The following TTBK2 variants were observed in gnomAD, a reference collection of about 807,000 sequenced individuals.
TTBK2 encodes tau-tubulin kinase 2.
A neutral mutation model predicts 110.8 loss-of-function variants in TTBK2; 28 were observed. That is an observed-to-expected ratio of 0.25 (90% confidence interval 0.19 to 0.35). TTBK2 has a LOEUF of 0.35. TTBK2 is among the 10% of genes least tolerant of loss of function. The pLI, the probability that TTBK2 is intolerant of heterozygous loss-of-function variation, is 1.00. For missense variants in TTBK2, 1,369 were observed against 1,500.3 expected, an observed-to-expected ratio of 0.91 and a Z score of 1.45; for synonymous variants, 532 against 527.3, an observed-to-expected ratio of 1.01 and a Z score of -0.12.
At chr15:42,884,883 C>T (rs1254714667) in intron 1 of TTBK2, among the ~76,000 whole-genome samples, 1 of 152,186 alleles carries the variant, frequency 6.6e-6, no homozygotes, top group Non-Finnish European at 1.5e-5. Flanking sequence ...GATGACATTC[C>T]ACCATTGTGA....
At chr15:42,869,290 T>C (rs1048085214) in intron 3 of TTBK2, among the ~76,000 whole-genome samples, 2 of 151,784 alleles carry the variant, frequency 1.3e-5, no homozygotes, top group African/African-American at 4.8e-5. Flanking sequence ...GGTTTTACCA[T>C]GTCGCCCAGA....
At chr15:42,904,945 C>G (rs550803193) in intron 1 of TTBK2, among the ~76,000 whole-genome samples, 1 of 151,806 alleles carries the variant, frequency 6.6e-6, no homozygotes, top group South Asian at 2.1e-4. Context: ...AATCTCGGCT[C>G]ACTGCAACCT....
intron 1 of TTBK2, among the ~76,000 whole-genome samples, chr15:42,897,793 C>G (rs1895723355): frequency 6.6e-6 from 1 of 150,676 alleles, no homozygotes; most frequent in Admixed American, 6.6e-5. Context: ...TTTAATGAAT[C>G]TGAGAAAACT....
At chr15:42,763,150 A>G (rs1889128432) in intron 13 of TTBK2, among the ~76,000 whole-genome samples, 1 of 61,464 alleles carries the variant, frequency 1.6e-5, no homozygotes, top group African/African-American at 1.2e-4. Flanking sequence ...ATACATATAT[A>G]TATATACATA....
intron 10 of TTBK2, 80 bp downstream of exon 10, chr15:42,794,564 A>T (rs1890848146): frequency 6.3e-7 from 1 of 1,594,544 alleles, no homozygotes; most frequent in Non-Finnish European, 8.6e-7. Context: ...TGGTCATCTG[A>T]GGGAATCTGG....
chr15:42,867,440 T>A (rs1344008543), intron 3 of TTBK2, among the ~76,000 whole-genome samples: 1 of 152,052 alleles, frequency 6.6e-6, no homozygotes, highest in Admixed American at 6.5e-5. Context: ...AAGACCTATA[T>A]GATAAAAGAC....
intron 10 of TTBK2, among the ~76,000 whole-genome samples, chr15:42,789,022 A>G (rs1890527641): frequency 6.6e-6 from 1 of 152,216 alleles, no homozygotes; most frequent in African/African-American, 2.4e-5. Flanking sequence ...TTTGTGACAA[A>G]GAGCAGCTAA....
intron 3 of TTBK2, 152 bp from the exon 4 acceptor site, chr15:42,840,585 A>G: frequency 1.3e-6 from 1 of 763,214 alleles, no homozygotes; most frequent in Admixed American, 1.8e-5. Context: ...CAAATTTTCT[A>G]CCTACCTCTT....
At chr15:42,891,212 T>C (rs1895443363) in intron 1 of TTBK2, among the ~76,000 whole-genome samples, 1 of 147,488 alleles carries the variant, frequency 6.8e-6, no homozygotes, top group South Asian at 2.2e-4. Context: ...GGGGTCTCAC[T>C]GTCGCCCCGG....
intron 10 of TTBK2, among the ~76,000 whole-genome samples, chr15:42,793,047 A>G (rs1180634910): frequency 1.3e-5 from 2 of 152,166 alleles, no homozygotes; most frequent in African/African-American, 4.8e-5. Context: ...CTCTGCCACT[A>G]ATATTTACCT....
intron 4 of TTBK2, among the ~76,000 whole-genome samples, chr15:42,835,112 A>G (rs2141000824): frequency 6.6e-6 from 1 of 152,340 alleles, no homozygotes; most frequent in South Asian, 2.1e-4. Context: ...AGTAAACAAA[A>G]GAAGAATAAA....
At chr15:42,848,217 A>G (rs1893547689) in intron 3 of TTBK2, among the ~76,000 whole-genome samples, 3 of 152,066 alleles carry the variant, frequency 2.0e-5, no homozygotes, top group Non-Finnish European at 4.4e-5. Context: ...TTTTTTTCCA[A>G]CATTCTTCTT....
chr15:42,837,357 C>CAAA (rs962772134), intron 4 of TTBK2, among the ~76,000 whole-genome samples: 3 of 56,320 alleles, frequency 5.3e-5, no homozygotes, highest in African/African-American at 2.1e-4. Context: ...GACTCCATCT[C>CAAA]AAAAAAAAAA....
intron 1 of TTBK2, among the ~76,000 whole-genome samples, chr15:42,907,718 C>G (rs1364974069): frequency 1.3e-5 from 2 of 152,008 alleles, no homozygotes; most frequent in Non-Finnish European, 2.9e-5. Flanking sequence ...TTTATTGTTA[C>G]TAAACTGTAC....
At chr15:42,804,008 C>CAAAAA (rs781131720) in intron 9 of TTBK2, among the ~76,000 whole-genome samples, 2 of 51,060 alleles carry the variant, frequency 3.9e-5, no homozygotes, top group Non-Finnish European at 9.5e-5. Context: ...GCGAGGAGTG[C>CAAAAA]AAAAAAAAAA....
At position 42,777,167 on chromosome 15, in the gene TTBK2, G is replaced by T; in HGVS notation, c.1273C>A (p.Arg425Ser). 1 of 1,614,170 alleles carries T rather than the reference G, an allele frequency of 6.2e-7. No individual in the cohort carries two copies. Among genetic ancestry groups the T allele is most frequent in the East Asian group, 2.2e-5 (1 of 44,872 alleles). The change falls in exon 12 of 15, where the codon CGT becomes AGT. Residue 425 changes from arginine (R) to serine (S), a missense_variant. By Grantham distance (110) the Arg-to-Ser change is moderately radical. Coordinates refer to ENST00000267890, the MANE Select transcript of TTBK2 (RefSeq NM_173500.4). ...LNAPSLGSPI[R>S]VRSEITQPDR... ...GGCTGAGTAATCTCTGAGCGGACAC[G>T]AATTGGTGACCCAAGGCTTGGAGCA...
At chr15:42,904,874 ATT>A (rs769350686) in intron 1 of TTBK2, among the ~76,000 whole-genome samples, 41 of 145,202 alleles carry the variant, frequency 2.8e-4, no homozygotes, top group Non-Finnish European at 2.3e-4. Context: ...ACTGTATATA[ATT>A]TTTTTTTTTT....
chr15:42,816,077 AATAAATAAATATAT>A (rs1274448723), intron 7 of TTBK2, among the ~76,000 whole-genome samples: 7 of 63,098 alleles, frequency 1.1e-4, no homozygotes, highest in African/African-American at 5.2e-4. Context: ...TATAAAAATA[AATAAATAAATATAT>A]ATATATATAT....
In TTBK2 at chr15:42,832,671, A is replaced by G. The variant is rs1054291303; in HGVS notation, c.292-2593T>C. 4.6e-5 allele frequency among the ~76,000 whole-genome samples: 7 copies of G among 152,190 alleles called. 1 individual carries two copies. In the South Asian group the frequency reaches 8.3e-4, roughly 18 times the overall value. ...GGAATATGCCAGAAATAAGCAGTTA[A>G]TAAGTTTTACTTTACAGGCCATTCT... On this transcript the variant is annotated intron_variant, in intron 4 of 14. Transcript: ENST00000267890.
Sources: allele counts gnomAD v4.1 joint callset (sites outside exome capture counted in the v4.1 genomes callset), GRCh38; gene constraint gnomAD v4.1.1; transcripts MANE v1.5; gene names NCBI Gene and HGNC (gene_info 2026-07-23, HGNC 2026-07-21).